Variants in SPTBN1 observed in about 807,000 individuals in gnomAD.
SPTBN1 encodes the protein spectrin beta, non-erythrocytic 1.
Under a neutral mutation model 266.4 loss-of-function variants are expected in SPTBN1, and 32 were observed. The ratio of observed to expected loss-of-function variants is 0.12; its 90% confidence interval spans 0.09 to 0.16. The LOEUF is 0.16. SPTBN1 is among the 10% of genes least tolerant of loss of function. The pLI is 1.00. For synonymous variants in SPTBN1, 1,336 were observed against 1,162.2 expected, an observed-to-expected ratio of 1.15 and a Z score of -3.04; for missense variants, 2,296 against 3,067.1, an observed-to-expected ratio of 0.75 and a Z score of 5.94.
intron 1 of SPTBN1, among the ~76,000 whole-genome samples, chr2:54,467,982 A>G (rs995987355): frequency 1.3e-5 from 2 of 152,218 alleles, no homozygotes; most frequent in African/African-American, 4.8e-5. Context: ...ATCACTAGAT[A>G]CTATGTGACC....
At chr2:54,562,887 G>T (rs1673412541) in intron 2 of SPTBN1, among the ~76,000 whole-genome samples, 1 of 152,016 alleles carries the variant, frequency 6.6e-6, no homozygotes, top group Non-Finnish European at 1.5e-5. Context: ...TAAATACTAT[G>T]CCTGCATTCC....
chr2:54,496,865 T>C lies in SPTBN1; in HGVS notation c.-47-29507T>C, dbSNP rs574511396. Reference sequence around the variant, plus strand: ...TAGAAAATTTATCCTATGAAGATAATTGGACAAGGTTATAATGATATTACT... The same window carrying C: ...TAGAAAATTTATCCTATGAAGATAACTGGACAAGGTTATAATGATATTACT... On this transcript the variant is annotated intron_variant, in intron 1 of 35. Transcript: ENST00000356805. 4.6e-5 allele frequency among the ~76,000 whole-genome samples: 7 copies of C among 152,186 alleles called. No individual in the cohort carries two copies. In the South Asian group the frequency reaches 1.5e-3, roughly 32 times the overall value.
At chr2:54,620,492 A>T (rs979204305) in intron 7 of SPTBN1, among the ~76,000 whole-genome samples, 1 of 152,152 alleles carries the variant, frequency 6.6e-6, no homozygotes, top group Non-Finnish European at 1.5e-5. Context: ...AGTTTGATTC[A>T]GAGATACAGT....
intron 28 of SPTBN1, 99 bp downstream of exon 28, chr2:54,655,307 C>G (rs1202848879): frequency 2.8e-6 from 4 of 1,422,206 alleles, no homozygotes; most frequent in Non-Finnish European, 3.8e-6. Flanking sequence ...TGTTTACATT[C>G]TTATACACAC....
rs149728664 is a variant in SPTBN1, at chr2:54,629,269, C to T, written c.2135C>T (p.Ser712Leu). ...EDMIAEEHFG[S>L]EKIRERIIYI... ...ATGATCGCGGAGGAGCACTTCGGGT[C>T]GGAGAAGATCCGTGAGAGGATCATT... Residue 712 changes from serine (S) to leucine (L), a missense_variant, in exon 14 of 36, where the codon TCG (serine) becomes TTG (leucine). This residue lies in a region of SPTBN1 where 434 missense variants were observed against 573.9 expected (regional missense o/e 0.76). Transcript: ENST00000356805. The T allele has an allele frequency of 6.2e-5, 100 of 1,614,014 alleles. No homozygotes were observed. The African/African-American group carries it at 9.9e-4, about 16-fold the overall frequency.
At chr2:54,588,585 T>G (rs1675457987) in intron 2 of SPTBN1, among the ~76,000 whole-genome samples, 1 of 152,162 alleles carries the variant, frequency 6.6e-6, no homozygotes, top group Non-Finnish European at 1.5e-5. Flanking sequence ...CCACCTCAGT[T>G]AGTTAGAAAT....
At chr2:54,492,236 C>T (rs975294809) in intron 1 of SPTBN1, among the ~76,000 whole-genome samples, 1 of 151,416 alleles carries the variant, frequency 6.6e-6, no homozygotes, top group African/African-American at 2.4e-5. Flanking sequence ...TGTATTCATG[C>T]TAAAAAATTG....
chr2:54,558,042 G>A lies in SPTBN1; in HGVS notation c.148+31476G>A, dbSNP rs1672997931. 1.0e-6 allele frequency: 1 copy of A among 985,278 alleles called. No homozygotes were observed. The highest frequency in any genetic ancestry group is 1.2e-6 in the Non-Finnish European group (1 of 829,906). The allele number at this position is 985,278 out of a possible 1,614,324, so 61.0% of individuals were successfully genotyped here. On this transcript the variant is annotated intron_variant, in intron 2 of 35. Coordinates refer to ENST00000356805, the MANE Select transcript of SPTBN1 (RefSeq NM_003128.3). This position sits in a 1 kb window ranked among gnomAD's most constrained non-coding sequence, Gnocchi z 4.6. ...CTTGGGGCTCTTCACTCTCCAGGCC[G>A]TCCCGTGGGCGCGCTAGCCTTTTCA...
At chr2:54,563,861 C>G (rs1039304038) in intron 2 of SPTBN1, among the ~76,000 whole-genome samples, 1 of 152,026 alleles carries the variant, frequency 6.6e-6, no homozygotes, top group Non-Finnish European at 1.5e-5. Flanking sequence ...CTTGGCCTCC[C>G]CAAGTGCTGA....
At chr2:54,490,103 C>T (rs7566833) in intron 1 of SPTBN1, among the ~76,000 whole-genome samples, 46,820 of 146,530 alleles carry the variant, frequency 0.32, 8,476 homozygotes, top group African/African-American at 0.51. Context: ...TTTTGTGAGG[C>T]GGAGTTGCAC....
intron 1 of SPTBN1, among the ~76,000 whole-genome samples, chr2:54,511,264 C>G (rs1669844190): frequency 6.6e-6 from 1 of 152,160 alleles, no homozygotes; most frequent in Non-Finnish European, 1.5e-5. Context: ...ACTTTTGTTA[C>G]CAAGCTTGAT....
intron 7 of SPTBN1, among the ~76,000 whole-genome samples, chr2:54,620,215 G>T (rs969348471): frequency 1.3e-5 from 2 of 152,184 alleles, no homozygotes; most frequent in Non-Finnish European, 2.9e-5. Flanking sequence ...ACTGAATTTT[G>T]TAAGGCAAAC....
intron 1 of SPTBN1, among the ~76,000 whole-genome samples, chr2:54,467,786 A>G (rs960816816): frequency 3.3e-5 from 5 of 152,142 alleles, no homozygotes; most frequent in African/African-American, 1.2e-4. Flanking sequence ...ATTTCTGCTA[A>G]TACACATAGT....
At chr2:54,469,392 A>G (rs1228245568) in intron 1 of SPTBN1, among the ~76,000 whole-genome samples, 2 of 152,190 alleles carry the variant, frequency 1.3e-5, no homozygotes, top group African/African-American at 4.8e-5. Context: ...TTTAAACACT[A>G]AAGGTCAGTG....
intron 32 of SPTBN1, chr2:54,662,024 G>T (rs147639441): frequency 1.1e-5 from 11 of 985,230 alleles, no homozygotes; most frequent in Non-Finnish European, 1.3e-5. Context: ...GCATTGCTTC[G>T]TGCACTTTGA....
At chr2:54,503,788 A>G (rs2104142438) in intron 1 of SPTBN1, among the ~76,000 whole-genome samples, 1 of 152,334 alleles carries the variant, frequency 6.6e-6, no homozygotes, top group South Asian at 2.1e-4. Context: ...GTGTGGTTAC[A>G]ATGAATGGCT....
rs1678712219 is a variant in SPTBN1 at position 54,631,245 on chromosome 2, G to A, written c.3198G>A (p.Gln1066=). ...ASLGEASKLQ[Q]FLRDLDDFQS... is the part of the protein sequence containing the mutation. ...TGGGAGAGGCCAGCAAGCTGCAGCA[G>A]TTCCTACGGGACTTGGACGACTTCC... Residue 1066 remains glutamine (Q), a synonymous_variant, in exon 16 of 36, where the codon CAG becomes CAA. Transcript: ENST00000356805. 3 of 1,614,206 alleles carry A rather than the reference G, an allele frequency of 1.9e-6. No individual in the cohort carries two copies. Among genetic ancestry groups the A allele is most frequent in the Non-Finnish European group, 2.5e-6 (3 of 1,180,012 alleles).
At chr2:54,632,386 C>T (rs6741903) in intron 16 of SPTBN1, among the ~76,000 whole-genome samples, 180 bp from the exon 17 acceptor site, 97 of 152,226 alleles carry the variant, frequency 6.4e-4, no homozygotes, top group South Asian at 1.2e-3. Context: ...GAGGGAAATT[C>T]GGTCAGTTAC....
At chr2:54,661,023 G>C (rs1681005167) in intron 32 of SPTBN1, 4 of 985,256 alleles carry the variant, frequency 4.1e-6, no homozygotes, top group Non-Finnish European at 4.8e-6. Flanking sequence ...GCACTTGGTG[G>C]ACCGTGCCTG....
Sources: gnomAD v4.1 joint callset for allele counts (sites outside exome capture counted in the v4.1 genomes callset) on GRCh38, gnomAD v4.1.1 for gene constraint, gnomAD v4.1.1 regional missense constraint, Gnocchi (gnomAD v3.1) non-coding constraint, MANE v1.5 for transcripts, NCBI Gene and HGNC (gene_info 2026-07-23, HGNC 2026-07-21) for gene names.